RAB30: variants seen among roughly 807,000 people sequenced by gnomAD.
The protein encoded by RAB30 is ras-related protein Rab-30.
A neutral mutation model predicts 25.1 loss-of-function variants in RAB30; 9 were observed. The observed-to-expected ratio is 0.36, with a 90% CI of 0.22 to 0.63. The LOEUF (loss-of-function observed/expected upper bound fraction) is 0.63. Among genes scored for constraint, RAB30 ranks in the 20% least tolerant of loss-of-function variants. The probability of loss-of-function intolerance (pLI) is 0.69; values close to 1 mark genes in which losing one functional copy is unlikely to be tolerated. For missense variants in RAB30, 140 were observed against 243.5 expected, an observed-to-expected ratio of 0.58 and a Z score of 2.83; for synonymous variants, 77 against 86.4, an observed-to-expected ratio of 0.89 and a Z score of 0.60.
chr11:83,069,567 A>T (rs1030062737), intron 1 of RAB30, among the ~76,000 whole-genome samples: 1 of 152,186 alleles, frequency 6.6e-6, no homozygotes, highest in Non-Finnish European at 1.5e-5. Flanking sequence ...AGCAATCCAC[A>T]GGGAACAGGA....
intron 1 of RAB30, among the ~76,000 whole-genome samples, chr11:83,020,762 G>A (rs1857556187): frequency 6.6e-6 from 1 of 152,204 alleles, no homozygotes; most frequent in South Asian, 2.1e-4. Context: ...GAGGGAGGAT[G>A]GGACAACCAG....
At chr11:83,052,537 A>G (rs1858378613) in intron 1 of RAB30, among the ~76,000 whole-genome samples, 1 of 152,224 alleles carries the variant, frequency 6.6e-6, no homozygotes, top group South Asian at 2.1e-4. Flanking sequence ...ACTTAACAGC[A>G]AGGGCTAAAG....
intron 1 of RAB30, among the ~76,000 whole-genome samples, chr11:83,000,771 C>T (rs921089386): frequency 6.6e-6 from 1 of 152,092 alleles, no homozygotes; most frequent in Non-Finnish European, 1.5e-5. Context: ...AAGGCTTTGT[C>T]GGCCGGGCGC....
chr11:83,044,449 T>C (rs1486257518), intron 1 of RAB30, among the ~76,000 whole-genome samples: 1 of 152,134 alleles, frequency 6.6e-6, no homozygotes, highest in African/African-American at 2.4e-5. Flanking sequence ...TATAGAAAAA[T>C]TCCACTTAGA....
At chr11:83,039,298 G>T (rs769751507) in intron 1 of RAB30, among the ~76,000 whole-genome samples, 1 of 152,186 alleles carries the variant, frequency 6.6e-6, no homozygotes, top group African/African-American at 2.4e-5. Flanking sequence ...CAATTTAATT[G>T]AGAGTTTGCC....
At chr11:83,056,078 G>A (rs1858453307) in intron 1 of RAB30, among the ~76,000 whole-genome samples, 1 of 152,184 alleles carries the variant, frequency 6.6e-6, no homozygotes, top group Non-Finnish European at 1.5e-5. Context: ...TAAGTATACA[G>A]TTCAATAACA....
rs1376714143 is a variant in RAB30, at chr11:82,982,315, C to G, written c.462G>C (p.Lys154Asn). ...AGAGTTTCTCCACATTATCAGATTC[C>G]TTGGCTGAGGTCTCCAGATAATACA... is the stretch of plus-strand genomic sequence containing the variant. Reference protein sequence around the residue: ...QDMYYLETSAKESDNVEKLFL... With the variant: ...QDMYYLETSANESDNVEKLFL... The change falls in exon 5 of 5, where the codon AAG becomes AAC. Residue 154 changes from lysine to asparagine, a missense_variant. Lys to Asn is a moderately conservative substitution (Grantham distance 94). Coordinates refer to ENST00000527633, the MANE Select transcript of RAB30 (RefSeq NM_001286060.2). 1 of 1,614,234 alleles carries G rather than the reference C, an allele frequency of 6.2e-7. No homozygotes were observed. Among genetic ancestry groups the G allele is most frequent in the Non-Finnish European group, 8.5e-7 (1 of 1,180,028 alleles).
At chr11:83,025,017 A>G (rs1857676230) in intron 1 of RAB30, among the ~76,000 whole-genome samples, 1 of 152,228 alleles carries the variant, frequency 6.6e-6, no homozygotes, top group African/African-American at 2.4e-5. Context: ...TTTGAACGCT[A>G]GTAAGTTCCC....
intron 1 of RAB30, among the ~76,000 whole-genome samples, chr11:83,000,135 G>A (rs1347569824): frequency 2.0e-5 from 3 of 152,168 alleles, no homozygotes; most frequent in Non-Finnish European, 4.4e-5. Flanking sequence ...CACAAGAGAA[G>A]TTAAAAAAGC....
At chr11:83,042,208 G>T (rs1313056789) in intron 1 of RAB30, among the ~76,000 whole-genome samples, 1 of 151,928 alleles carries the variant, frequency 6.6e-6, no homozygotes, top group African/African-American at 2.4e-5. Flanking sequence ...GGTATCTAAT[G>T]AATATATGTT....
At chr11:83,024,324 G>A (rs973331448) in intron 1 of RAB30, among the ~76,000 whole-genome samples, 15 of 152,236 alleles carry the variant, frequency 9.9e-5, no homozygotes, top group Admixed American at 7.8e-4. Flanking sequence ...AGGACACAGC[G>A]AGCAAGCTCC....
At chr11:83,042,076 C>G (rs1204790427) in intron 1 of RAB30, among the ~76,000 whole-genome samples, 1 of 151,672 alleles carries the variant, frequency 6.6e-6, no homozygotes, top group African/African-American at 2.4e-5. Flanking sequence ...ATCACCACTC[C>G]TCTACTATTT....
Position 83,034,989 on chromosome 11 carries a change from A to G in RAB30, c.-9+36702T>C, listed in dbSNP as rs563438149. Among the ~76,000 whole-genome samples, 5 of 152,182 alleles carry G rather than the reference A, an allele frequency of 3.3e-5. No individual in the cohort carries two copies. The East Asian group carries it at 9.6e-4, about 29-fold the overall frequency. On this transcript the variant is annotated intron_variant, in intron 1 of 4. Coordinates refer to ENST00000527633, the MANE Select transcript of RAB30 (RefSeq NM_001286060.2). ...AAACTCAAAATCCTGACTAATAAAA[A>G]GAATGATCATTTATTGACCACTGGC...
intron 1 of RAB30, among the ~76,000 whole-genome samples, chr11:83,003,783 T>A (rs986293125): frequency 1.5e-4 from 23 of 149,248 alleles, no homozygotes; most frequent in African/African-American, 5.2e-4. Context: ...TTTGTTAATT[T>A]AAAAAAAAAA....
chr11:83,058,226 T>C (rs1858495299), intron 1 of RAB30, among the ~76,000 whole-genome samples: 2 of 152,240 alleles, frequency 1.3e-5, no homozygotes, highest in South Asian at 4.1e-4. Context: ...GGACAGTCCT[T>C]GTGTTTCCAC....
chr11:83,033,080 T>G (rs1283377051), intron 1 of RAB30, among the ~76,000 whole-genome samples: 1 of 146,374 alleles, frequency 6.8e-6, no homozygotes, highest in Admixed American at 6.8e-5. Context: ...TTTTTTTTTT[T>G]TTGAGACAGA....
chr11:83,070,272 C>T (rs1218334009), intron 1 of RAB30, among the ~76,000 whole-genome samples: 1 of 152,160 alleles, frequency 6.6e-6, no homozygotes, highest in Non-Finnish European at 1.5e-5. Context: ...TCATTGGCAT[C>T]CCAATAAATC....
chr11:83,010,403 A>T (rs1340309858), intron 1 of RAB30, among the ~76,000 whole-genome samples: 1 of 152,204 alleles, frequency 6.6e-6, no homozygotes, highest in Non-Finnish European at 1.5e-5. Flanking sequence ...GTGAACTGTG[A>T]TCACGCCATT....
At chr11:82,993,362 G>A (rs537989648) in intron 3 of RAB30, among the ~76,000 whole-genome samples, 15 of 152,290 alleles carry the variant, frequency 9.8e-5, no homozygotes, top group South Asian at 4.1e-4. Flanking sequence ...CCAGTAAAAC[G>A]AGGATAATAC....
Sources: allele counts gnomAD v4.1 joint callset (sites outside exome capture counted in the v4.1 genomes callset), GRCh38; gene constraint gnomAD v4.1.1; transcripts MANE v1.5; gene names NCBI Gene and HGNC (gene_info 2026-07-23, HGNC 2026-07-21).